Variants in CHTF8 observed in about 807,000 individuals in gnomAD.
CHTF8 encodes the protein chromosome transmission fidelity factor 8.
In CHTF8, 6 loss-of-function variants were observed where a neutral mutation model predicts 11.0. The observed-to-expected ratio is 0.55, with a 90% CI of 0.30 to 1.08. The LOEUF is 1.08. Among genes scored for constraint, CHTF8 ranks in the 50% least tolerant of loss-of-function variants. The pLI is 0.07. For synonymous variants in CHTF8, 53 were observed against 60.5 expected (o/e 0.88, Z 0.57); for missense variants, 140 against 153.1 (o/e 0.91, Z 0.45).
intron 1 of CHTF8, among the ~76,000 whole-genome samples, chr16:69,128,820 C>A (rs778628033): frequency 6.6e-6 from 1 of 152,170 alleles, no homozygotes; most frequent in Non-Finnish European, 1.5e-5. Flanking sequence ...AATCCCAGCA[C>A]TTTGGGAGCC....
intron 1 of CHTF8, among the ~76,000 whole-genome samples, chr16:69,122,735 T>G (rs1038476808): frequency 1.3e-5 from 2 of 151,730 alleles, no homozygotes; most frequent in African/African-American, 2.4e-5. Flanking sequence ...AGAGACGAGG[T>G]TTCTTCATGT....
chr16:69,121,975 A>G lies in CHTF8; in HGVS notation c.-35-482T>C, dbSNP rs567184548. Among the ~76,000 whole-genome samples, 16 of 150,284 alleles carry G rather than the reference A, an allele frequency of 1.1e-4. No homozygotes were observed. In the South Asian group the frequency reaches 3.4e-3, roughly 32 times the overall value. ...TGAGCCACCGCGCCCGGCCCTAGAG[A>G]TGGGGTTTCACCATGTTGGCCAGGC... On this transcript the variant is annotated intron_variant, in intron 1 of 3. Coordinates refer to ENST00000448552, the MANE Select transcript of CHTF8 (RefSeq NM_001039690.5).
intron 1 of CHTF8, among the ~76,000 whole-genome samples, chr16:69,128,178 G>A (rs1466721925): frequency 6.6e-6 from 1 of 152,138 alleles, no homozygotes; most frequent in African/African-American, 2.4e-5. Flanking sequence ...CTCCCAAAGT[G>A]CCAGGATTAC....
rs769914453 is a variant in CHTF8 at position 69,119,963 on chromosome 16, T to C, written c.*462A>G. On this transcript the variant is annotated 3_prime_UTR_variant, in exon 4 of 4. Transcript: ENST00000448552. ...AGACCACCTGCCCTTGGGTTGGACATAGGACCTGGTCCTGGGAGACCCCCT... is the reference window on the plus strand; with the variant it reads ...AGACCACCTGCCCTTGGGTTGGACACAGGACCTGGTCCTGGGAGACCCCCT... 7.9e-5 allele frequency: 55 copies of C among 700,440 alleles called. No individual in the cohort carries two copies. In the Middle Eastern group the frequency reaches 9.2e-4, roughly 12 times the overall value. The allele number at this position is 700,440 out of a possible 1,614,324, so 43.4% of individuals were successfully genotyped here. A position where few individuals can be genotyped will look rare whatever the true frequency, so the allele number is the denominator to read the frequency against.
chr16:69,120,272 TA>T lies in CHTF8; in HGVS notation c.*152del. On this transcript the variant is annotated 3_prime_UTR_variant, in exon 4 of 4. Transcript: ENST00000448552. The surrounding 1 kb of genome is among the most constrained non-coding windows in gnomAD (Gnocchi z 4.0). ...TTTCCACCAAGAGAACCGGCCGCCA[TA>T]AGGAAGGGATCCGAGTTCACACCCA... The T allele has an allele frequency of 1.3e-6, 1 of 747,888 alleles. No individual in the cohort carries two copies. 46.3% of individuals were successfully genotyped at this position (747,888 alleles called of 1,614,324 possible).
At chr16:69,128,991 G>C (rs1420569801) in intron 1 of CHTF8, among the ~76,000 whole-genome samples, 5 of 152,018 alleles carry the variant, frequency 3.3e-5, no homozygotes, top group African/African-American at 1.2e-4. Flanking sequence ...TTGATCCTGG[G>C]AGGCGGTAGT....
At chr16:69,121,362 C>T (rs2152266983) in intron 2 of CHTF8, 74 bp downstream of exon 2, 4 of 1,393,014 alleles carry the variant, frequency 2.9e-6, no homozygotes, top group Non-Finnish European at 4.0e-6. Context: ...GACCCTGATT[C>T]TTCCAGACAC....
intron 1 of CHTF8, among the ~76,000 whole-genome samples, chr16:69,122,832 G>A (rs1287716553): frequency 4.0e-5 from 6 of 150,762 alleles, no homozygotes; most frequent in Middle Eastern, 3.5e-3. Context: ...GTGAACCACC[G>A]CACCTGGCTT....
Position 69,120,896 on chromosome 16 carries a change from A to T in CHTF8, c.141+157T>A. 1 of 787,302 alleles carries T rather than the reference A, an allele frequency of 1.3e-6. No homozygotes were observed. The highest frequency in any genetic ancestry group is 2.3e-6 in the Non-Finnish European group (1 of 437,608). 48.8% of individuals were successfully genotyped at this position (787,302 alleles called of 1,614,324 possible). On this transcript the variant is annotated intron_variant, in intron 3 of 3. Coordinates refer to ENST00000448552, the MANE Select transcript of CHTF8 (RefSeq NM_001039690.5). The surrounding 1 kb of genome is among the most constrained non-coding windows in gnomAD (Gnocchi z 4.0). ...TTCCCCAAAATTAAATTTCCCTGCT[A>T]CTGCAGAGGTAGGGGGAGAACAAGC...
In CHTF8 at chr16:69,120,970, T is replaced by G; in HGVS notation, c.141+83A>C. 1 of 1,157,030 alleles carries G rather than the reference T, an allele frequency of 8.6e-7. No homozygotes were observed. Among genetic ancestry groups the G allele is most frequent in the Non-Finnish European group, 1.3e-6 (1 of 762,582 alleles). 71.7% of individuals were successfully genotyped at this position (1,157,030 alleles called of 1,614,324 possible). A position where few individuals can be genotyped will look rare whatever the true frequency, so the allele number is the denominator to read the frequency against. On this transcript the variant is annotated intron_variant, in intron 3 of 3. Transcript: ENST00000448552. This position sits in a 1 kb window ranked among gnomAD's most constrained non-coding sequence, Gnocchi z 4.0. ...GCCTTGAATAACAAACCTGAGGCAGTCCTCACTCTGGGTCCTGGGAGCACC... is the reference window on the plus strand; with the variant it reads ...GCCTTGAATAACAAACCTGAGGCAGGCCTCACTCTGGGTCCTGGGAGCACC...
chr16:69,121,640 G>T, intron 1 of CHTF8, 147 bp from the exon 2 acceptor site: 1 of 514,530 alleles, frequency 1.9e-6, no homozygotes, highest in Non-Finnish European at 3.5e-6. Context: ...ACTATGGCCA[G>T]CTAACTTTTT....
Position 69,121,754 on chromosome 16 carries a change from G to A in CHTF8, c.-35-261C>T, listed in dbSNP as rs1401552106. Among the ~76,000 whole-genome samples the A allele has an allele frequency of 4.7e-5, 7 of 150,516 alleles. No individual in the cohort carries two copies. In the East Asian group the frequency reaches 7.9e-4, roughly 17 times the overall value. On this transcript the variant is annotated intron_variant, in intron 1 of 3. Coordinates refer to ENST00000448552, the MANE Select transcript of CHTF8 (RefSeq NM_001039690.5). ...ACGATCTCAGCTCACTGCAAGCTCC[G>A]CCTCCGGGGTTCATGCCATTCTCCT...
rs143137059 is a variant in CHTF8, at chr16:69,129,642, C to T, written c.-36+2842G>A. ...AGAGGAGCTAAATGTTAACTGGTCA[C>T]ACAGCTACTTAAGTGGAGAGCTGGG... On this transcript the variant is annotated intron_variant, in intron 1 of 3. Transcript: ENST00000448552. Among the ~76,000 whole-genome samples the T allele has an allele frequency of 3.5e-3, 537 of 152,228 alleles. 3 individuals carry two copies. Among genetic ancestry groups the T allele is most frequent in the African/African-American group, 0.012 (508 of 41,526 alleles).
chr16:69,123,742 CA>C (rs1961851392), intron 1 of CHTF8, among the ~76,000 whole-genome samples: 1 of 152,062 alleles, frequency 6.6e-6, no homozygotes, highest in Non-Finnish European at 1.5e-5. Context: ...TGATTCTTAT[CA>C]AAAGCTTTCA....
At chr16:69,130,081 C>A (rs112137117) in intron 1 of CHTF8, among the ~76,000 whole-genome samples, 17 of 152,320 alleles carry the variant, frequency 1.1e-4, no homozygotes, top group African/African-American at 3.6e-4. Context: ...CCTCTGGTCT[C>A]TGAATTGTTA....
chr16:69,125,584 CAA>C (rs765321659), intron 1 of CHTF8, among the ~76,000 whole-genome samples: 1 of 152,188 alleles, frequency 6.6e-6, no homozygotes, highest in Non-Finnish European at 1.5e-5. Flanking sequence ...AATATGGAAT[CAA>C]GAGAGCATCC....
intron 1 of CHTF8, among the ~76,000 whole-genome samples, chr16:69,126,969 G>T (rs373860622): frequency 6.6e-6 from 1 of 152,056 alleles, no homozygotes; most frequent in Non-Finnish European, 1.5e-5. Flanking sequence ...GTATGAGGCC[G>T]GGCGCGGTGG....
chr16:69,119,386 A>C lies in CHTF8; in HGVS notation c.*1039T>G. ...CCCCATGGGGCCAACTGGCCTTGAGAAATGAGCTGAATTAGGGCCTATGGG... is the reference window on the plus strand; with the variant it reads ...CCCCATGGGGCCAACTGGCCTTGAGCAATGAGCTGAATTAGGGCCTATGGG... On this transcript the variant is annotated 3_prime_UTR_variant, in exon 4 of 4. Transcript: ENST00000448552. 1 of 702,748 alleles carries C rather than the reference A, an allele frequency of 1.4e-6. No individual in the cohort carries two copies. Among genetic ancestry groups the C allele is most frequent in the South Asian group, 1.5e-5 (1 of 67,586 alleles). The allele number at this position is 702,748 out of a possible 1,614,324, so 43.5% of individuals were successfully genotyped here.
chr16:69,121,677 T>C (rs1017980186), intron 1 of CHTF8, among the ~76,000 whole-genome samples, 184 bp from the exon 2 acceptor site: 1 of 150,644 alleles, frequency 6.6e-6, no homozygotes, highest in African/African-American at 2.4e-5. Context: ...TGGGGTTTTT[T>C]TTTTTTTTGA....
Sources: allele counts gnomAD v4.1 joint callset (sites outside exome capture counted in the v4.1 genomes callset), GRCh38; gene constraint gnomAD v4.1.1; non-coding constraint Gnocchi (gnomAD v3.1); transcripts MANE v1.5; gene names NCBI Gene and HGNC (gene_info 2026-07-23, HGNC 2026-07-21).